The following GALK1 variants were observed in gnomAD, a reference collection of about 807,000 sequenced individuals.
The protein encoded by GALK1 is galactokinase.
A neutral mutation model predicts 38.6 loss-of-function variants in GALK1; 30 were observed. The ratio of observed to expected loss-of-function variants is 0.78; its 90% CI spans 0.58 to 1.05. GALK1 has a LOEUF of 1.05. GALK1 is among the 50% of genes least tolerant of loss of function. The probability of loss-of-function intolerance (pLI) is 0.00; values close to 1 mark genes in which losing one functional copy is unlikely to be tolerated. For missense variants in GALK1, 512 were observed against 540.5 expected (o/e 0.95, Z 0.52); for synonymous variants, 240 against 233.6 (o/e 1.03, Z -0.25).
At chr17:75,755,844 A>T, downstream of GALK1, 1 of 1,603,926 alleles carries the variant, frequency 6.2e-7, no homozygotes, top group Non-Finnish European at 8.5e-7. Flanking sequence ...CCAGCTGCTG[A>T]ACGGCGGTGA....
At position 75,762,819 on chromosome 17, in the gene GALK1, A is replaced by G; in HGVS notation, c.678T>C (p.Asn226=). 1 of 1,613,714 alleles carries G rather than the reference A, an allele frequency of 6.2e-7. No homozygotes were observed. The highest frequency in any genetic ancestry group is 8.5e-7 in the Non-Finnish European group (1 of 1,179,918). The part of the protein sequence containing the change: ...PKLAVLITNS[N]VRHSLASSEY... ...CGCTGGAGGCCAGGGAGTGGCGGAC[A>G]TTAGAGTTGGTGATGAGCACGGCCA... Residue 226 remains asparagine, a synonymous_variant, in exon 5 of 8, where the codon AAT becomes AAC. Transcript: ENST00000588479.
chr17:75,754,621 C>A (rs554267559), downstream of GALK1: 2 of 1,613,894 alleles, frequency 1.2e-6, no homozygotes, highest in Admixed American at 1.7e-5. Flanking sequence ...CCGGGCAGCA[C>A]CAACTCCCTG....
At chr17:75,756,203 G>C (rs1354791279), downstream of GALK1, among the ~76,000 whole-genome samples, 1 of 152,180 alleles carries the variant, frequency 6.6e-6, no homozygotes, top group Non-Finnish European at 1.5e-5. Flanking sequence ...AGCATGACCA[G>C]GATGCAGGAT....
downstream of GALK1, chr17:75,756,764 G>A: frequency 2.5e-6 from 4 of 1,612,988 alleles, no homozygotes; most frequent in Non-Finnish European, 3.4e-6. Flanking sequence ...ACTGCCCTGA[G>A]CCCAGACTCG....
downstream of GALK1, chr17:75,757,166 AC>A: frequency 6.2e-7 from 1 of 1,611,754 alleles, no homozygotes; most frequent in Non-Finnish European, 8.5e-7. Context: ...TCCTTCTGGC[AC>A]CACCCTCTGA....
intron 8 of GALK1, chr17:75,752,173 G>T: frequency 6.2e-7 from 1 of 1,613,940 alleles, no homozygotes; most frequent in East Asian, 2.2e-5. Flanking sequence ...CTCTGCCCCA[G>T]GACCTATTGG....
downstream of GALK1, chr17:75,757,289 G>A (rs748012106): frequency 2.3e-5 from 37 of 1,611,558 alleles, no homozygotes; most frequent in Middle Eastern, 1.6e-4. Context: ...CCACACCAGC[G>A]CCACCGAGCC....
downstream of GALK1, chr17:75,755,147 C>T (rs199859829): frequency 5.0e-5 from 81 of 1,611,782 alleles, no homozygotes; most frequent in Non-Finnish European, 6.7e-5. Context: ...AGGGTTCCCC[C>T]CTTCCAGGGG....
At position 75,762,928 on chromosome 17, in the gene GALK1, G is replaced by T. The variant is rs752177573; in HGVS notation, c.612-43C>A. 8.7e-6 allele frequency: 14 copies of T among 1,601,760 alleles called. No homozygotes were observed. The Admixed American group carries it at 2.4e-4, about 27-fold the overall frequency. ...TGGGGGAGATGACGAGGCCAAGCGT[G>T]TGCTTGCTGCGCCAGGCAGTGGGCA... is the stretch of plus-strand genomic sequence containing the variant. On this transcript the variant is annotated intron_variant, in intron 4 of 7. Coordinates refer to ENST00000588479, the MANE Select transcript of GALK1 (RefSeq NM_000154.2).
chr17:75,753,970 C>A, downstream of GALK1: 1 of 1,258,128 alleles, frequency 7.9e-7, no homozygotes, highest in East Asian at 3.2e-5. Flanking sequence ...CCGGGCCCCC[C>A]GGAGGTGACA....
chr17:75,756,431 G>C, downstream of GALK1: 1 of 1,613,290 alleles, frequency 6.2e-7, no homozygotes, highest in Non-Finnish European at 8.5e-7. Context: ...CCCCCCAGGT[G>C]AGCTGCATCG....
At chr17:75,756,877 G>A (rs771345390), downstream of GALK1, 18 of 1,612,038 alleles carry the variant, frequency 1.1e-5, no homozygotes. Flanking sequence ...CCACCCCGGG[G>A]GCAGGAGTGG....
chr17:75,753,929 A>G, downstream of GALK1: 1 of 1,283,974 alleles, frequency 7.8e-7, no homozygotes, highest in Non-Finnish European at 9.8e-7. Flanking sequence ...CGCGGGCGGG[A>G]AGGGCGGCAG....
Position 75,763,900 on chromosome 17 carries a change from G to A in GALK1, c.352C>T (p.Pro118Ser). 6.2e-7 allele frequency: 1 copy of A among 1,613,750 alleles called. No individual in the cohort carries two copies. The highest frequency in any genetic ancestry group is 8.5e-7 in the Non-Finnish European group (1 of 1,179,926). ...NYVKGVIQYY[P>S]AAPLPGFSAV... ...GGCTCAGGCCTGGGCCCCATACCTG[G>A]GTAGTACTGAATCACTCCCTTGACA... Residue 118 changes from proline to serine, a missense_variant, in exon 2 of 8, where the codon CCA becomes TCA. Physicochemically the swap from Pro to Ser is moderately conservative, Grantham distance 74. Transcript: ENST00000588479.
chr17:75,761,607 C>A (rs2061587427), intron 5 of GALK1, among the ~76,000 whole-genome samples: 1 of 142,148 alleles, frequency 7.0e-6, no homozygotes, highest in Non-Finnish European at 1.5e-5. Context: ...ACAGGGCAAG[C>A]CTCCACCTCA....
At chr17:75,753,317 C>G (rs904079997), downstream of GALK1, among the ~76,000 whole-genome samples, 2 of 152,150 alleles carry the variant, frequency 1.3e-5, no homozygotes, top group African/African-American at 2.4e-5. Flanking sequence ...ACTCTGGAAC[C>G]CCAGCTCAGC....
intron 5 of GALK1, among the ~76,000 whole-genome samples, chr17:75,760,834 A>T (rs2061584375): frequency 6.6e-6 from 1 of 151,830 alleles, no homozygotes; most frequent in Non-Finnish European, 1.5e-5. Context: ...TACCCAGGAG[A>T]CTAGGTGAGA....
chr17:75,755,340 A>G, downstream of GALK1: 1 of 987,850 alleles, frequency 1.0e-6, no homozygotes, highest in Non-Finnish European at 1.5e-6. Flanking sequence ...CCGCCTGCCC[A>G]CAGGCGCTAA....
At chr17:75,759,311 G>A (rs820384) in intron 5 of GALK1, among the ~76,000 whole-genome samples, 3 of 151,764 alleles carry the variant, frequency 2.0e-5, no homozygotes, top group East Asian at 2.0e-4. Flanking sequence ...GCCTGTAATC[G>A]CAGCTACTCA....
Sources: allele counts gnomAD v4.1 joint callset (sites outside exome capture counted in the v4.1 genomes callset), GRCh38; gene constraint gnomAD v4.1.1; transcripts MANE v1.5; gene names NCBI Gene and HGNC (gene_info 2026-07-23, HGNC 2026-07-21).